The following ASXL2 variants were observed in gnomAD, a reference collection of about 807,000 sequenced individuals.
ASXL2 encodes the protein ASXL transcriptional regulator 2.
In ASXL2, 23 loss-of-function variants were observed where a neutral mutation model predicts 122.0. The observed-to-expected ratio is 0.19, with a 90% CI of 0.14 to 0.27. The LOEUF is 0.27. Among genes scored for constraint, ASXL2 ranks in the 10% least tolerant of loss-of-function variants. The pLI is 1.00. For synonymous variants in ASXL2, 650 were observed against 637.0 expected, an observed-to-expected ratio of 1.02 and a Z score of -0.31; for missense variants, 1,518 against 1,713.8, an observed-to-expected ratio of 0.89 and a Z score of 2.02.
chr2:25,755,954 A>G, intron 10 of ASXL2, 64 bp downstream of exon 10: 1 of 1,319,234 alleles, frequency 7.6e-7, no homozygotes, highest in Non-Finnish European at 1.1e-6. Context: ...TAATTACCTG[A>G]TGAGGAAGAG....
intron 1 of ASXL2, among the ~76,000 whole-genome samples, chr2:25,863,260 G>A (rs983363060): frequency 4.0e-5 from 6 of 151,286 alleles, no homozygotes; most frequent in Non-Finnish European, 7.4e-5. Flanking sequence ...AACCCAGGAG[G>A]CAGAGGTTGT....
At chr2:25,862,295 T>G (rs1219270503) in intron 1 of ASXL2, among the ~76,000 whole-genome samples, 1 of 152,150 alleles carries the variant, frequency 6.6e-6, no homozygotes, top group African/African-American at 2.4e-5. Flanking sequence ...ACAAAGAAAT[T>G]TAGAAATTAC....
chr2:25,853,801 G>C (rs985794027), intron 1 of ASXL2, among the ~76,000 whole-genome samples: 4 of 151,722 alleles, frequency 2.6e-5, no homozygotes, highest in African/African-American at 9.7e-5. Context: ...GAACCACCAT[G>C]CCCAGCCTTA....
rs1222560219 is a variant in ASXL2, at chr2:25,878,482, T to TCATGTGACCGCTCCCGC, written c.-261_-260insGCGGGAGCGGTCACATG. The TCATGTGACCGCTCCCGC allele has an allele frequency of 2.0e-6, 1 of 487,918 alleles. No homozygotes were observed. The highest frequency in any genetic ancestry group is 2.0e-5 in the African/African-American group (1 of 49,220). 30.2% of individuals were successfully genotyped at this position (487,918 alleles called of 1,614,324 possible). A position where few individuals can be genotyped will look rare whatever the true frequency, so the allele number is the denominator to read the frequency against. ...CTTACTGTACAGGCTGCCGCTACGG[T>TCATGTGACCGCTCCCGC]CATGTGACCGCTCCCGCGCGGCCGT... On this transcript the variant is annotated 5_prime_UTR_variant, in exon 1 of 13. The change creates a new upstream start codon in the 5' untranslated region. Transcript: ENST00000435504.
At chr2:25,805,470 T>C (rs1352002150) in intron 4 of ASXL2, among the ~76,000 whole-genome samples, 1 of 152,012 alleles carries the variant, frequency 6.6e-6, no homozygotes, top group Non-Finnish European at 1.5e-5. Context: ...TTCTTTTTCC[T>C]GTCTTTTTGT....
intron 1 of ASXL2, chr2:25,856,363 C>CCTTT (rs754653765): frequency 1.7e-5 from 4 of 235,960 alleles, no homozygotes; most frequent in Non-Finnish European, 1.6e-5. Flanking sequence ...CTGGCCTATA[C>CCTTT]TTTTTTTTTT....
At chr2:25,873,927 A>C (rs992161690) in intron 1 of ASXL2, among the ~76,000 whole-genome samples, 1 of 152,218 alleles carries the variant, frequency 6.6e-6, no homozygotes, top group Non-Finnish European at 1.5e-5. Context: ...CAAAAGGCAA[A>C]CAAGATCAAT....
intron 2 of ASXL2, among the ~76,000 whole-genome samples, chr2:25,844,892 C>T (rs1398012226): frequency 6.6e-6 from 1 of 152,144 alleles, no homozygotes; most frequent in African/African-American, 2.4e-5. Context: ...CCACCTCAGC[C>T]TCCCAAACAG....
intron 4 of ASXL2, among the ~76,000 whole-genome samples, chr2:25,801,202 TG>T (rs1212785848): frequency 6.6e-6 from 1 of 152,248 alleles, no homozygotes; most frequent in African/African-American, 2.4e-5. Flanking sequence ...CCCAAAGTGC[TG>T]GGATTACAGG....
In ASXL2 at chr2:25,848,496, G is replaced by A. The variant is rs139425395; in HGVS notation, c.58-2933C>T. Among the ~76,000 whole-genome samples the A allele has an allele frequency of 5.6e-3, 857 of 152,190 alleles. 6 individuals carry two copies. The highest frequency in any genetic ancestry group is 0.02 in the African/African-American group (816 of 41,528). On this transcript the variant is annotated intron_variant, in intron 1 of 12. Coordinates refer to ENST00000435504, the MANE Select transcript of ASXL2 (RefSeq NM_018263.6). Reference sequence around the variant, plus strand: ...AAAGTAGCTGGGCGTGGTGGCGGACGCCTGTAGTCCCTGCTACTTGGGAGG... The same window carrying A: ...AAAGTAGCTGGGCGTGGTGGCGGACACCTGTAGTCCCTGCTACTTGGGAGG...
In ASXL2 at chr2:25,802,848, C is replaced by T. The variant is rs548827717; in HGVS notation, c.253-3313G>A. On this transcript the variant is annotated intron_variant, in intron 4 of 12. Transcript: ENST00000435504. ...GAGAGCTTTGAGATTTAGCTGATCACGGCTGGGTGCGGTGGCTCATGCCTG... is the reference window on the plus strand; with the variant it reads ...GAGAGCTTTGAGATTTAGCTGATCATGGCTGGGTGCGGTGGCTCATGCCTG... Among the ~76,000 whole-genome samples, 19 of 152,232 alleles carry T rather than the reference C, an allele frequency of 1.2e-4. No individual in the cohort carries two copies. The East Asian group carries it at 2.7e-3, about 22-fold the overall frequency.
At chr2:25,774,291 T>C (rs10203612) in intron 5 of ASXL2, among the ~76,000 whole-genome samples, 3,237 of 152,172 alleles carry the variant, frequency 0.021, 114 homozygotes, top group African/African-American at 0.07. Flanking sequence ...TTTAAACATA[T>C]GTACACAGAT....
At chr2:25,780,053 T>C (rs555127630) in intron 5 of ASXL2, among the ~76,000 whole-genome samples, 2 of 152,242 alleles carry the variant, frequency 1.3e-5, no homozygotes, top group African/African-American at 4.8e-5. Flanking sequence ...TTAGTAGAGA[T>C]GGGGTTTCAC....
At chr2:25,758,835 G>A (rs1291251777) in intron 9 of ASXL2, among the ~76,000 whole-genome samples, 1 of 151,960 alleles carries the variant, frequency 6.6e-6, no homozygotes, top group East Asian at 1.9e-4. Context: ...TGTCTTTCCA[G>A]ATCTATTTAT....
intron 1 of ASXL2, among the ~76,000 whole-genome samples, chr2:25,875,349 T>C (rs1235632978): frequency 6.6e-6 from 1 of 152,042 alleles, no homozygotes; most frequent in Admixed American, 6.6e-5. Flanking sequence ...ATGCCTATAG[T>C]CCCAGCTACT....
intron 7 of ASXL2, among the ~76,000 whole-genome samples, chr2:25,768,308 A>C (rs2088387741): frequency 6.6e-6 from 1 of 152,192 alleles, no homozygotes; most frequent in Non-Finnish European, 1.5e-5. Flanking sequence ...TCCCAGTGCT[A>C]ACATTTTTTT....
intron 1 of ASXL2, among the ~76,000 whole-genome samples, chr2:25,863,641 C>T (rs150729231): frequency 2.6e-5 from 4 of 151,504 alleles, no homozygotes; most frequent in South Asian, 2.1e-4. Flanking sequence ...TGCAAAGAGC[C>T]GAGATCGCGC....
intron 4 of ASXL2, among the ~76,000 whole-genome samples, chr2:25,800,609 G>A (rs13387290): frequency 0.021 from 3,205 of 152,266 alleles, 114 homozygotes; most frequent in African/African-American, 0.07. Context: ...AACTACGTCA[G>A]CTTAGCATGT....
chr2:25,756,033 C>T lies in ASXL2; in HGVS notation c.1021G>A (p.Glu341Lys). ...FFTSAAQGWK[E>K]RLSEGEFTPE... is the part of the protein sequence containing the mutation. ...GAGCACTTACCTTCTGAGAGTCTTT[C>T]CTTCCAGCCTTGGGCTGCTGAAGTG... The change falls in exon 10 of 13, where the codon GAA (glutamate) becomes AAA (lysine). Residue 341 changes from glutamate (E) to lysine (K), a missense_variant. Glu to Lys is a moderately conservative substitution (Grantham distance 56, BLOSUM62 1). This residue lies in a region of ASXL2 where 92 missense variants were observed against 156.6 expected (regional missense o/e 0.59). Transcript: ENST00000435504. The T allele has an allele frequency of 6.2e-7, 1 of 1,613,502 alleles. No homozygotes were observed. Among genetic ancestry groups the T allele is most frequent in the Non-Finnish European group, 8.5e-7 (1 of 1,179,522 alleles).
Sources: allele counts gnomAD v4.1 joint callset (sites outside exome capture counted in the v4.1 genomes callset), GRCh38; gene constraint gnomAD v4.1.1; regional missense constraint gnomAD v4.1.1; transcripts MANE v1.5; gene names NCBI Gene and HGNC (gene_info 2026-07-23, HGNC 2026-07-21).